PTPRD: variants seen among roughly 807,000 people sequenced by gnomAD.
The protein encoded by PTPRD is receptor-type tyrosine-protein phosphatase delta.
Under a neutral mutation model 214.5 loss-of-function variants are expected in PTPRD, and 34 were observed. That is an observed-to-expected ratio of 0.16 (90% CI 0.12 to 0.21). The LOEUF is 0.21. Among genes scored for constraint, PTPRD ranks in the 10% least tolerant of loss-of-function variants. The probability of loss-of-function intolerance (pLI) is 1.00; values close to 1 mark genes in which losing one functional copy is unlikely to be tolerated. For missense variants in PTPRD, 2,545 were observed against 2,398.7 expected (o/e 1.06, Z -1.27); for synonymous variants, 1,128 against 845.7 (o/e 1.33, Z -5.79).
chr9:9,159,671 A>T (rs2099884649), intron 10 of PTPRD, among the ~76,000 whole-genome samples: 1 of 152,172 alleles, frequency 6.6e-6, no homozygotes, highest in Admixed American at 6.6e-5. Flanking sequence ...CCTAACCAAA[A>T]TTCAATGTCA....
At chr9:10,169,404 G>C (rs576746241) in intron 3 of PTPRD, among the ~76,000 whole-genome samples, 1 of 148,202 alleles carries the variant, frequency 6.7e-6, no homozygotes, top group Non-Finnish European at 1.5e-5. Context: ...AACCCCGGAG[G>C]CGGAGCTTGC....
At chr9:9,572,691 G>A (rs2086900866) in intron 8 of PTPRD, among the ~76,000 whole-genome samples, 2 of 149,106 alleles carry the variant, frequency 1.3e-5, no homozygotes, top group South Asian at 4.2e-4. Flanking sequence ...ACATATGTAT[G>A]TATAAACATA....
intron 8 of PTPRD, among the ~76,000 whole-genome samples, chr9:9,464,437 A>G (rs1301913084): frequency 6.6e-6 from 1 of 152,220 alleles, no homozygotes; most frequent in Non-Finnish European, 1.5e-5. Context: ...GTTTAATTAT[A>G]GAAACAAAAT....
intron 5 of PTPRD, among the ~76,000 whole-genome samples, chr9:9,818,684 G>C (rs190604881): frequency 2.0e-5 from 3 of 151,962 alleles, no homozygotes; most frequent in Non-Finnish European, 4.4e-5. Context: ...TTGGGAGGCC[G>C]AGATGGGTGG....
intron 8 of PTPRD, chr9:9,442,099 G>A (rs992134197): frequency 1.3e-5 from 2 of 152,432 alleles, no homozygotes; most frequent in East Asian, 1.9e-4. Flanking sequence ...CCAGCTACTC[G>A]GGAGGCTGAG....
At chr9:9,169,489 C>T (rs1356113102) in intron 10 of PTPRD, among the ~76,000 whole-genome samples, 1 of 152,050 alleles carries the variant, frequency 6.6e-6, no homozygotes, top group African/African-American at 2.4e-5. Context: ...AATGAGAAAA[C>T]CCCATACTAA....
At chr9:8,375,892 T>G (rs1378109881) in intron 39 of PTPRD, 44 bp downstream of exon 39, 2 of 1,585,770 alleles carry the variant, frequency 1.3e-6, no homozygotes, top group South Asian at 2.3e-5. Context: ...GAGAGTCAAT[T>G]TAGCTTTCTG....
chr9:9,444,182 G>A lies in PTPRD; in HGVS notation c.-236-46700C>T, dbSNP rs562533369. Among the ~76,000 whole-genome samples, 7 of 152,144 alleles carry A rather than the reference G, an allele frequency of 4.6e-5. No individual in the cohort carries two copies. The East Asian group carries it at 7.7e-4, about 17-fold the overall frequency. ...CCACTTAACATGTTCTTTGGATTTC[G>A]TGCATCTACTTTTTTTTCTGAACAA... On this transcript the variant is annotated intron_variant, in intron 8 of 45. Transcript: ENST00000381196.
intron 12 of PTPRD, among the ~76,000 whole-genome samples, chr9:8,653,442 T>C (rs997987442): frequency 3.3e-5 from 5 of 152,244 alleles, no homozygotes; most frequent in Middle Eastern, 3.4e-3. Context: ...CTGCCATCCT[T>C]CACTACCCAT....
At chr9:9,702,140 G>C (rs2097518383) in intron 7 of PTPRD, among the ~76,000 whole-genome samples, 2 of 151,994 alleles carry the variant, frequency 1.3e-5, no homozygotes, top group Middle Eastern at 6.8e-3. Context: ...GAGAGAGAGA[G>C]AGAAAGAAAG....
At chr9:8,682,811 A>G (rs2154373946) in intron 12 of PTPRD, among the ~76,000 whole-genome samples, 1 of 152,336 alleles carries the variant, frequency 6.6e-6, no homozygotes, top group East Asian at 1.9e-4. Context: ...TAAAACAGAT[A>G]TTCACTATTT....
chr9:9,088,850 G>T (rs1343566960), intron 10 of PTPRD, among the ~76,000 whole-genome samples: 1 of 152,072 alleles, frequency 6.6e-6, no homozygotes, highest in Non-Finnish European at 1.5e-5. Flanking sequence ...AGTTTAGCAA[G>T]TTACTTAATG....
intron 12 of PTPRD, among the ~76,000 whole-genome samples, chr9:8,644,171 C>T (rs1053101061): frequency 6.6e-6 from 1 of 152,096 alleles, no homozygotes; most frequent in Non-Finnish European, 1.5e-5. Flanking sequence ...AGGAGCTACC[C>T]TCTCTGATGA....
chr9:10,417,526 C>T (rs12000332), intron 2 of PTPRD, among the ~76,000 whole-genome samples: 2,963 of 151,810 alleles, frequency 0.02, 96 homozygotes, highest in African/African-American at 0.068. Flanking sequence ...ATGATTTGCA[C>T]ATTTTAGCTT....
chr9:9,370,666 G>C (rs973308905), intron 9 of PTPRD, among the ~76,000 whole-genome samples: 2 of 135,622 alleles, frequency 1.5e-5, no homozygotes, highest in Non-Finnish European at 3.1e-5. Context: ...GGAGTGGTGA[G>C]AGAGGGCATC....
At chr9:8,617,411 A>C (rs937569121) in intron 14 of PTPRD, among the ~76,000 whole-genome samples, 3 of 152,072 alleles carry the variant, frequency 2.0e-5, no homozygotes, top group African/African-American at 7.2e-5. Flanking sequence ...AACTCTTATC[A>C]AGTGGATGTG....
intron 8 of PTPRD, among the ~76,000 whole-genome samples, chr9:9,551,305 A>G (rs1040259655): frequency 6.6e-6 from 1 of 151,958 alleles, no homozygotes; most frequent in Non-Finnish European, 1.5e-5. Flanking sequence ...AAACCTTACA[A>G]GCTTTAGAAA....
At chr9:9,064,156 A>C (rs1197076523) in intron 10 of PTPRD, among the ~76,000 whole-genome samples, 3 of 152,154 alleles carry the variant, frequency 2.0e-5, no homozygotes, top group African/African-American at 7.2e-5. Context: ...ACAAAACTTA[A>C]AGCATAAGAA....
intron 2 of PTPRD, among the ~76,000 whole-genome samples, chr9:10,596,536 A>T (rs985446616): frequency 2.0e-5 from 3 of 151,678 alleles, no homozygotes; most frequent in Admixed American, 1.3e-4. Flanking sequence ...AAGAATAAGC[A>T]CATATATTTA....
Sources: gnomAD v4.1 joint callset for allele counts (sites outside exome capture counted in the v4.1 genomes callset) on GRCh38, gnomAD v4.1.1 for gene constraint, MANE v1.5 for transcripts, NCBI Gene and HGNC (gene_info 2026-07-23, HGNC 2026-07-21) for gene names.